Variants in COL22A1 observed in about 807,000 individuals in gnomAD.
COL22A1 encodes collagen type XXII alpha 1 chain.
Under a neutral mutation model 248.9 loss-of-function variants are expected in COL22A1, and 221 were observed. The ratio of observed to expected loss-of-function variants is 0.89; its 90% CI spans 0.80 to 0.99. The LOEUF is 0.99. COL22A1 is among the 50% of genes least tolerant of loss of function. The pLI, the probability that COL22A1 is intolerant of heterozygous loss-of-function variation, is 0.00. For synonymous variants in COL22A1, 891 were observed against 793.4 expected, an observed-to-expected ratio of 1.12 and a Z score of -2.07; for missense variants, 2,240 against 2,179.0, an observed-to-expected ratio of 1.03 and a Z score of -0.56.
At chr8:138,726,986 C>T (rs183782464) in intron 23 of COL22A1, among the ~76,000 whole-genome samples, 6 of 152,164 alleles carry the variant, frequency 3.9e-5, no homozygotes, top group Admixed American at 2.0e-4. Context: ...TAAGCAGGGG[C>T]GAGCTGGAAT....
At chr8:138,677,626 T>C (rs900406735) in intron 40 of COL22A1, among the ~76,000 whole-genome samples, 6 of 152,262 alleles carry the variant, frequency 3.9e-5, no homozygotes, top group Admixed American at 3.9e-4. Flanking sequence ...TTCCATTGTG[T>C]GTTGAAAATT....
At position 138,760,302 on chromosome 8, in the gene COL22A1, G is replaced by C; in HGVS notation, c.1858-15C>G. Reference sequence around the variant, plus strand: ...CCGGGCCTGCCCTGGAGGAAAGAAAGAAAAGGCAGATTATGATGGGCACTA... The same window carrying C: ...CCGGGCCTGCCCTGGAGGAAAGAAACAAAAGGCAGATTATGATGGGCACTA... On this transcript the variant is annotated splice_polypyrimidine_tract_variant and intron_variant, in intron 17 of 64. Transcript: ENST00000303045. 1 of 1,598,024 alleles carries C rather than the reference G, an allele frequency of 6.3e-7. No individual in the cohort carries two copies. The highest frequency in any genetic ancestry group is 2.3e-5 in the East Asian group (1 of 43,874).
intron 1 of COL22A1, among the ~76,000 whole-genome samples, chr8:138,886,226 A>C (rs1359184600): frequency 6.6e-6 from 1 of 152,198 alleles, no homozygotes. Context: ...GGGATCTGGC[A>C]GGGGTCCCAG....
intron 1 of COL22A1, among the ~76,000 whole-genome samples, chr8:138,883,984 C>T (rs1055761904): frequency 3.3e-5 from 5 of 152,136 alleles, no homozygotes; most frequent in Non-Finnish European, 7.3e-5. Context: ...CCTCTCACCT[C>T]GCCTCACTCC....
rs573041966 is a variant in COL22A1 at position 138,719,316 on chromosome 8, T to C, written c.2355+1423A>G. ...AATGTCATGGGGATCGGTGTAGACATATATTTAAATGTCAATATTGAATCT... is the reference window on the plus strand; with the variant it reads ...AATGTCATGGGGATCGGTGTAGACACATATTTAAATGTCAATATTGAATCT... On this transcript the variant is annotated intron_variant, in intron 27 of 64. Transcript: ENST00000303045. Among the ~76,000 whole-genome samples, 5 of 152,304 alleles carry C rather than the reference T, an allele frequency of 3.3e-5. No individual in the cohort carries two copies. The South Asian group carries it at 1.0e-3, about 32-fold the overall frequency.
chr8:138,589,486 T>A, intron 64 of COL22A1, 46 bp from the exon 65 acceptor site: 1 of 1,400,464 alleles, frequency 7.1e-7, no homozygotes, highest in Non-Finnish European at 9.5e-7. Context: ...AAGATCCTTC[T>A]GGGAGGGGAT....
chr8:138,643,119 A>G (rs1389086443), intron 47 of COL22A1, among the ~76,000 whole-genome samples: 1 of 152,206 alleles, frequency 6.6e-6, no homozygotes, highest in South Asian at 2.1e-4. Context: ...AGGATCAGTT[A>G]AAATTTGAAA....
chr8:138,723,579 T>C (rs1238808102), intron 25 of COL22A1, among the ~76,000 whole-genome samples: 1 of 152,240 alleles, frequency 6.6e-6, no homozygotes, highest in Non-Finnish European at 1.5e-5. Flanking sequence ...TCGGATGGGA[T>C]TGCTCATGTG....
At chr8:138,847,858 G>T (rs1194225384) in intron 3 of COL22A1, among the ~76,000 whole-genome samples, 1 of 151,508 alleles carries the variant, frequency 6.6e-6, no homozygotes, top group Non-Finnish European at 1.5e-5. Flanking sequence ...TTCTTCACTT[G>T]CAGTTGAGTG....
intron 44 of COL22A1, among the ~76,000 whole-genome samples, 191 bp downstream of exon 44, chr8:138,660,245 A>G (rs1393293541): frequency 6.6e-6 from 1 of 152,240 alleles, no homozygotes. Context: ...GAAAACCGGC[A>G]TAATGGTGGT....
chr8:138,605,050 C>A (rs920697090), intron 58 of COL22A1, among the ~76,000 whole-genome samples: 2 of 152,096 alleles, frequency 1.3e-5, no homozygotes, highest in African/African-American at 4.8e-5. Flanking sequence ...ATCGATTTTA[C>A]AAATAGTCCT....
chr8:138,805,706 GGT>G (rs1181830667), intron 10 of COL22A1, among the ~76,000 whole-genome samples: 1 of 145,368 alleles, frequency 6.9e-6, no homozygotes, highest in Admixed American at 6.8e-5. Flanking sequence ...GGTGTGGGAT[GGT>G]GTGTGATGGT....
At chr8:138,612,393 A>G (rs968708082) in intron 56 of COL22A1, among the ~76,000 whole-genome samples, 2 of 152,138 alleles carry the variant, frequency 1.3e-5, no homozygotes, top group Non-Finnish European at 2.9e-5. Context: ...CTGCTCTTAG[A>G]TAAGAGAAGG....
chr8:138,689,180 A>G (rs1826624175), intron 36 of COL22A1, among the ~76,000 whole-genome samples: 1 of 151,830 alleles, frequency 6.6e-6, no homozygotes. Flanking sequence ...TGGCCTTGTA[A>G]CAGTGCACAT....
intron 6 of COL22A1, among the ~76,000 whole-genome samples, chr8:138,823,362 T>C (rs10093925): frequency 0.69 from 105,384 of 152,092 alleles, 36,764 homozygotes; most frequent in Middle Eastern, 0.81. Context: ...TAAACATGTA[T>C]TCTTGGATTT....
intron 49 of COL22A1, among the ~76,000 whole-genome samples, chr8:138,632,986 A>C (rs1820853673): frequency 6.6e-6 from 1 of 152,208 alleles, no homozygotes; most frequent in Non-Finnish European, 1.5e-5. Flanking sequence ...TGGAATAAGG[A>C]TGCTGACTGA....
chr8:138,902,725 A>AAT (rs34445760), intron 1 of COL22A1, among the ~76,000 whole-genome samples: 5 of 107,190 alleles, frequency 4.7e-5, no homozygotes, highest in African/African-American at 1.6e-4. Flanking sequence ...AAAATTTATA[A>AAT]ATATATATAT....
intron 2 of COL22A1, among the ~76,000 whole-genome samples, chr8:138,882,416 TCA>T (rs1563882902): frequency 9.4e-6 from 1 of 106,254 alleles, no homozygotes. Context: ...ACATATTCTC[TCA>T]CACTCCCTCA....
At chr8:138,844,242 C>T in intron 3 of COL22A1, 84 bp from the exon 4 acceptor site, 2 of 1,276,102 alleles carry the variant, frequency 1.6e-6, no homozygotes, top group Non-Finnish European at 2.3e-6. Flanking sequence ...CACAAGACCC[C>T]ACCCTGCCTT....
Sources: allele counts gnomAD v4.1 joint callset (sites outside exome capture counted in the v4.1 genomes callset), GRCh38; gene constraint gnomAD v4.1.1; transcripts MANE v1.5; gene names NCBI Gene and HGNC (gene_info 2026-07-23, HGNC 2026-07-21).